Variants in NADK2 observed in about 807,000 individuals in gnomAD.
NADK2 encodes the protein NAD kinase domain-containing protein 1, mitochondrial.
A neutral mutation model predicts 62.1 loss-of-function variants in NADK2; 35 were observed. The observed-to-expected ratio is 0.56, with a 90% confidence interval of 0.43 to 0.75. The LOEUF (loss-of-function observed/expected upper bound fraction) is 0.75, where lower values mean the gene tolerates loss of function less well. Among genes scored for constraint, NADK2 ranks in the 30% least tolerant of loss-of-function variants. The pLI is 0.00. For synonymous variants in NADK2, 205 were observed against 207.9 expected, an observed-to-expected ratio of 0.99 and a Z score of 0.12; for missense variants, 439 against 561.3, an observed-to-expected ratio of 0.78 and a Z score of 2.20.
At chr5:36,238,426 T>C (rs1453126231) in intron 1 of NADK2, among the ~76,000 whole-genome samples, 3 of 152,192 alleles carry the variant, frequency 2.0e-5, no homozygotes, top group Admixed American at 2.0e-4. Flanking sequence ...CCTGGAATGA[T>C]GGAGAGGAGG....
intron 10 of NADK2, among the ~76,000 whole-genome samples, chr5:36,199,132 C>T (rs1262608869): frequency 6.6e-6 from 1 of 151,912 alleles, no homozygotes; most frequent in Non-Finnish European, 1.5e-5. Flanking sequence ...AGCACACCAA[C>T]ATGGCACATG....
rs997991979 is a variant in NADK2, at chr5:36,241,287, C to G, written c.300+212G>C. ...TGAACCACTGTCCCTCTCTCTCCCC[C>G]TCTCCCCGGCCCTGCCTCTCCCTCG... On this transcript the variant is annotated intron_variant, in intron 1 of 11. Coordinates refer to ENST00000381937, the MANE Select transcript of NADK2 (RefSeq NM_001085411.3). This position sits in a 1 kb window ranked among gnomAD's most constrained non-coding sequence, Gnocchi z 4.9. The G allele has an allele frequency of 6.2e-5, 61 of 989,946 alleles. No homozygotes were observed. Among genetic ancestry groups the G allele is most frequent in the South Asian group, 4.5e-4 (20 of 44,514 alleles). 61.3% of individuals were successfully genotyped at this position (989,946 alleles called of 1,614,324 possible).
chr5:36,211,877 T>C lies in NADK2; in HGVS notation c.827A>G (p.Asn276Ser). ...CAGACTCTCCCCAATGAAGACTTCA[T>C]TTAGTGCTCTCACTGGCAGAAGTTG... is the stretch of plus-strand genomic sequence containing the variant. ...GPQLLPVRAL[N>S]EVFIGESLSS... is the part of the protein sequence containing the mutation. Residue 276 changes from asparagine (N) to serine (S), a missense_variant, in exon 7 of 12, where the codon AAT (asparagine) becomes AGT (serine). Transcript: ENST00000381937. 1 of 1,613,594 alleles carries C rather than the reference T, an allele frequency of 6.2e-7. No individual in the cohort carries two copies.
At position 36,241,177 on chromosome 5, in the gene NADK2, C is replaced by T. The variant is rs1748100384; in HGVS notation, c.300+322G>A. On this transcript the variant is annotated intron_variant, in intron 1 of 11. Coordinates refer to ENST00000381937, the MANE Select transcript of NADK2 (RefSeq NM_001085411.3). This position sits in a 1 kb window ranked among gnomAD's most constrained non-coding sequence, Gnocchi z 4.9. The stretch of plus-strand genomic sequence containing the variant: ...AGGGCGGGGGCGGCGAGGGCACCAA[C>T]GAATCCTCAAACCCCTCACTCTGAG... Among the ~76,000 whole-genome samples, 1 of 152,146 alleles carries T rather than the reference C, an allele frequency of 6.6e-6. No homozygotes were observed. Among genetic ancestry groups the T allele is most frequent in the Non-Finnish European group, 1.5e-5 (1 of 68,010 alleles).
intron 8 of NADK2, among the ~76,000 whole-genome samples, chr5:36,201,835 A>G (rs989916964): frequency 1.3e-5 from 2 of 152,060 alleles, no homozygotes; most frequent in South Asian, 2.1e-4. Context: ...TTACATGTGC[A>G]ATGCCTTGCT....
At chr5:36,225,721 C>T (rs751671136) in intron 3 of NADK2, 98 bp from the exon 4 acceptor site, 14 of 996,568 alleles carry the variant, frequency 1.4e-5, no homozygotes, top group Non-Finnish European at 2.2e-5. Context: ...CAATCATACC[C>T]CACCCTGCTA....
chr5:36,211,926 C>A lies in NADK2; in HGVS notation c.782-4G>T, dbSNP rs1746862951. On this transcript the variant is annotated splice_region_variant and splice_polypyrimidine_tract_variant and intron_variant, in intron 6 of 11. Transcript: ENST00000381937. ...TGGGGTCCTGAAGCCTCAGACCCTG[C>A]ATGTAATTTAAGACAAAGAAAATCC... 5 of 1,607,012 alleles carry A rather than the reference C, an allele frequency of 3.1e-6. No individual in the cohort carries two copies. Among genetic ancestry groups the A allele is most frequent in the African/African-American group, 2.7e-5 (2 of 74,588 alleles).
intron 8 of NADK2, among the ~76,000 whole-genome samples, chr5:36,206,714 T>G (rs1746654376): frequency 6.6e-6 from 1 of 152,030 alleles, no homozygotes; most frequent in African/African-American, 2.4e-5. Context: ...AAGGTATGTT[T>G]GGGAGGCATT....
At chr5:36,222,219 G>A (rs1747297598) in intron 4 of NADK2, among the ~76,000 whole-genome samples, 1 of 147,004 alleles carries the variant, frequency 6.8e-6, no homozygotes, top group Admixed American at 6.7e-5. Flanking sequence ...TGGTATAAGG[G>A]AACTTTTGAC....
intron 3 of NADK2, among the ~76,000 whole-genome samples, 163 bp downstream of exon 3, chr5:36,226,312 C>A (rs961228123): frequency 1.3e-5 from 2 of 152,026 alleles, no homozygotes; most frequent in Admixed American, 1.3e-4. Context: ...TAAAATGTAG[C>A]CTTGTATAAA....
intron 3 of NADK2, 37 bp from the exon 4 acceptor site, chr5:36,225,660 A>G (rs1430929856): frequency 2.5e-6 from 4 of 1,577,762 alleles, no homozygotes; most frequent in East Asian, 4.5e-5. Context: ...ACATAACCAA[A>G]TTTCTGTTAT....
At chr5:36,236,534 C>G (rs886696623) in intron 1 of NADK2, among the ~76,000 whole-genome samples, 2 of 152,124 alleles carry the variant, frequency 1.3e-5, no homozygotes, top group Non-Finnish European at 2.9e-5. Flanking sequence ...CTTTCAGCAG[C>G]TAACATCTGG....
intron 4 of NADK2, among the ~76,000 whole-genome samples, chr5:36,222,902 G>C (rs1747328035): frequency 6.6e-6 from 1 of 152,200 alleles, no homozygotes; most frequent in Non-Finnish European, 1.5e-5. Context: ...TGATGGGAGA[G>C]AGGAAAGGAG....
In NADK2 at chr5:36,241,609, C is replaced by A. The variant is rs1321281743; in HGVS notation, c.190G>T (p.Gly64Cys). 6.7e-7 allele frequency: 1 copy of A among 1,496,408 alleles called. No homozygotes were observed. Among genetic ancestry groups the A allele is most frequent in the Admixed American group, 2.2e-5 (1 of 46,322 alleles). The allele number at this position is 1,496,408 out of a possible 1,614,324, so 92.7% of individuals were successfully genotyped here. A position where few individuals can be genotyped will look rare whatever the true frequency, so the allele number is the denominator to read the frequency against. ...ACCACCCGGGAGGGGCGGAAGCCGC[C>A]GTCCGCGCGGCTGCCACAGCCCGCC... The part of the protein sequence containing the change: ...ELAGCGSRAD[G>C]GFRPSRVVVV... Residue 64 changes from glycine to cysteine, a missense_variant, in exon 1 of 12, where the codon GGC becomes TGC. Transcript: ENST00000381937. This position sits in a 1 kb window ranked among gnomAD's most constrained non-coding sequence, Gnocchi z 4.9.
At chr5:36,216,169 T>C (rs1747035531) in intron 6 of NADK2, among the ~76,000 whole-genome samples, 1 of 152,242 alleles carries the variant, frequency 6.6e-6, no homozygotes, top group Non-Finnish European at 1.5e-5. Flanking sequence ...GGTTTTGATT[T>C]GCATTTCCCT....
chr5:36,217,293 G>T (rs1376656876), intron 6 of NADK2, among the ~76,000 whole-genome samples: 1 of 152,122 alleles, frequency 6.6e-6, no homozygotes, highest in Non-Finnish European at 1.5e-5. Context: ...ATCACCTTAT[G>T]CTAATATTCT....
intron 1 of NADK2, among the ~76,000 whole-genome samples, chr5:36,235,865 C>A (rs1398037922): frequency 1.4e-5 from 2 of 142,414 alleles, no homozygotes; most frequent in Admixed American, 7.5e-5. Flanking sequence ...TAATCCATAT[C>A]TAGTGGTTTA....
At chr5:36,201,709 C>A (rs1746454607) in intron 8 of NADK2, among the ~76,000 whole-genome samples, 1 of 151,622 alleles carries the variant, frequency 6.6e-6, no homozygotes, top group African/African-American at 2.4e-5. Flanking sequence ...GAGATAAGTA[C>A]TAGAGATATG....
At position 36,226,496 on chromosome 5, in the gene NADK2, C is replaced by A. The variant is rs1247459883; in HGVS notation, c.457G>T (p.Asp153Tyr). 3.7e-6 allele frequency: 6 copies of A among 1,612,712 alleles called. No individual in the cohort carries two copies. The South Asian group carries it at 6.6e-5, about 18-fold the overall frequency. The part of the protein sequence containing the change: ...EYDEETVRWA[D>Y]AVIAAGGDGT... The stretch of plus-strand genomic sequence containing the variant: ...TTACCTCCTGCAGCTATGACAGCAT[C>A]TGCCCATCGAACAGTCTCTTCATCA... The change falls in exon 3 of 12, where the codon GAT (aspartate) becomes TAT (tyrosine). Residue 153 changes from aspartate (D) to tyrosine (Y), a missense_variant. Physicochemically the swap from Asp to Tyr is radical, Grantham distance 160. Coordinates refer to ENST00000381937, the MANE Select transcript of NADK2 (RefSeq NM_001085411.3).
Sources: allele counts gnomAD v4.1 joint callset (sites outside exome capture counted in the v4.1 genomes callset), GRCh38; gene constraint gnomAD v4.1.1; non-coding constraint Gnocchi (gnomAD v3.1); transcripts MANE v1.5; gene names NCBI Gene and HGNC (gene_info 2026-07-23, HGNC 2026-07-21).